The following AOAH variants were observed in gnomAD, a reference collection of about 807,000 sequenced individuals.
AOAH encodes the protein acyloxyacyl hydrolase (neutrophil).
In AOAH, 64 loss-of-function variants were observed where a neutral mutation model predicts 92.2. The observed-to-expected ratio is 0.69, with a 90% CI of 0.57 to 0.86. AOAH has a LOEUF of 0.86. Ranked by LOEUF, AOAH falls within the 40% of genes least tolerant of loss-of-function variation. AOAH has a pLI of 0.00. For synonymous variants in AOAH, 263 were observed against 254.5 expected (o/e 1.03, Z -0.32); for missense variants, 656 against 694.6 (o/e 0.94, Z 0.62).
chr7:36,578,458 A>G (rs1217204861), intron 12 of AOAH, among the ~76,000 whole-genome samples: 1 of 152,238 alleles, frequency 6.6e-6, no homozygotes, highest in African/African-American at 2.4e-5. Context: ...GGTGAGTCTC[A>G]CAGAACCAAA....
rs75093519 is a variant in AOAH at position 36,627,388 on chromosome 7, C to T, written c.522-4138G>A. Among the ~76,000 whole-genome samples the T allele has an allele frequency of 9.1e-3, 1,390 of 151,950 alleles. 13 individuals are homozygous for T. The highest frequency in any genetic ancestry group is 0.032 in the African/African-American group (1,338 of 41,256). On this transcript the variant is annotated intron_variant, in intron 6 of 20. Coordinates refer to ENST00000617537, the MANE Select transcript of AOAH (RefSeq NM_001637.4). Reference sequence around the variant, plus strand: ...CACGGGAATTCTTTCAACGTAGCTCCGGGTTCTGAAATTAGATTCTCTGGG... The same window carrying T: ...CACGGGAATTCTTTCAACGTAGCTCTGGGTTCTGAAATTAGATTCTCTGGG...
intron 3 of AOAH, among the ~76,000 whole-genome samples, chr7:36,666,626 C>T (rs1374178920): frequency 6.6e-6 from 1 of 151,814 alleles, no homozygotes; most frequent in African/African-American, 2.4e-5. Context: ...TTACTTTGCT[C>T]TTCATTTTCT....
At chr7:36,578,643 T>A (rs1237965800) in intron 12 of AOAH, among the ~76,000 whole-genome samples, 2 of 152,228 alleles carry the variant, frequency 1.3e-5, no homozygotes, top group South Asian at 4.1e-4. Context: ...ACTTCTTGAT[T>A]GTTAGTCTTT....
At chr7:36,676,634 G>A (rs984500592) in intron 2 of AOAH, among the ~76,000 whole-genome samples, 10 of 152,140 alleles carry the variant, frequency 6.6e-5, no homozygotes, top group African/African-American at 7.2e-5. Flanking sequence ...AAAGTCAAGC[G>A]ACTCAGAACA....
At chr7:36,531,872 G>A (rs539480399) in intron 18 of AOAH, among the ~76,000 whole-genome samples, 7 of 149,798 alleles carry the variant, frequency 4.7e-5, no homozygotes, top group Admixed American at 2.0e-4. Context: ...GTATGTGTGC[G>A]TGTGCACAGG....
Position 36,516,443 on chromosome 7 carries a change from C to CA in AOAH, c.1600-3064_1600-3063insT, listed in dbSNP as rs1360945517. Among the ~76,000 whole-genome samples the CA allele has an allele frequency of 4.5e-5, 5 of 111,720 alleles. No individual in the cohort carries two copies. The highest frequency in any genetic ancestry group is 1.6e-4 in the African/African-American group (5 of 32,026). 73.3% of individuals were successfully genotyped at this position (111,720 alleles called of 152,430 possible). A position where few individuals can be genotyped will look rare whatever the true frequency, so the allele number is the denominator to read the frequency against. On this transcript the variant is annotated intron_variant, in intron 20 of 20. Coordinates refer to ENST00000617537, the MANE Select transcript of AOAH (RefSeq NM_001637.4). This position sits in a 1 kb window ranked among gnomAD's most constrained non-coding sequence, Gnocchi z 5.0. ...CACAGAAAGCACGCAGATACCCCCC[C>CA]CACACACACAGAAAGTGCACGGATA...
intron 13 of AOAH, among the ~76,000 whole-genome samples, chr7:36,558,421 G>C (rs1786965667): frequency 6.6e-6 from 1 of 152,210 alleles, no homozygotes; most frequent in South Asian, 2.1e-4. Context: ...CAGTTAGGCT[G>C]CTCGGGGGTC....
At chr7:36,636,429 T>C (rs1201667567) in intron 5 of AOAH, among the ~76,000 whole-genome samples, 1 of 152,244 alleles carries the variant, frequency 6.6e-6, no homozygotes, top group Non-Finnish European at 1.5e-5. Flanking sequence ...AAACAATGCC[T>C]GGAGAATACG....
At chr7:36,647,163 T>G (rs988263992) in intron 4 of AOAH, among the ~76,000 whole-genome samples, 3 of 152,208 alleles carry the variant, frequency 2.0e-5, no homozygotes, top group Non-Finnish European at 4.4e-5. Context: ...CATTAAATAT[T>G]AATTTTACAA....
At chr7:36,530,332 G>T (rs1784620269) in intron 19 of AOAH, 86 bp downstream of exon 19, 2 of 906,492 alleles carry the variant, frequency 2.2e-6, no homozygotes, top group South Asian at 2.8e-5. Context: ...CTGCCTGGTG[G>T]CTTATAAAAG....
chr7:36,713,213 T>C (rs111700752), intron 1 of AOAH, among the ~76,000 whole-genome samples: 1 of 152,054 alleles, frequency 6.6e-6, no homozygotes, highest in African/African-American at 2.4e-5. Flanking sequence ...TAAACCAACA[T>C]AGATTAAGAG....
At chr7:36,569,878 G>A (rs899299007) in intron 13 of AOAH, among the ~76,000 whole-genome samples, 1 of 152,100 alleles carries the variant, frequency 6.6e-6, no homozygotes, top group African/African-American at 2.4e-5. Flanking sequence ...CTCCCAAAGT[G>A]CTGGGATTAT....
chr7:36,555,662 C>A (rs1755611166), intron 13 of AOAH, among the ~76,000 whole-genome samples: 2 of 152,048 alleles, frequency 1.3e-5, no homozygotes, highest in South Asian at 2.1e-4. Context: ...ACAATTTCAG[C>A]TCCTGTTATT....
At chr7:36,665,944 T>C (rs1351930886) in intron 3 of AOAH, among the ~76,000 whole-genome samples, 1 of 152,132 alleles carries the variant, frequency 6.6e-6, no homozygotes, top group Non-Finnish European at 1.5e-5. Flanking sequence ...TTTTATTTGA[T>C]TTGCTAATAT....
At chr7:36,690,408 T>A (rs1797323469) in intron 1 of AOAH, among the ~76,000 whole-genome samples, 1 of 152,168 alleles carries the variant, frequency 6.6e-6, no homozygotes, top group Admixed American at 6.5e-5. Context: ...CTGTCTCCAG[T>A]GGGCTCACCT....
intron 12 of AOAH, among the ~76,000 whole-genome samples, chr7:36,585,943 AAAAT>A (rs1423447517): frequency 2.0e-5 from 3 of 152,176 alleles, no homozygotes; most frequent in South Asian, 2.1e-4. Context: ...TGAAAAATTA[AAAAT>A]AAATAGGGAC....
intron 12 of AOAH, among the ~76,000 whole-genome samples, chr7:36,591,103 T>G (rs549236264): frequency 6.6e-6 from 1 of 152,282 alleles, no homozygotes; most frequent in East Asian, 1.9e-4. Context: ...AATTTCCTTT[T>G]CCATTAAAAG....
intron 1 of AOAH, among the ~76,000 whole-genome samples, chr7:36,689,073 G>T (rs533158402): frequency 6.6e-6 from 1 of 152,226 alleles, no homozygotes; most frequent in South Asian, 2.1e-4. Context: ...GTTGCTGGGG[G>T]CTCCCTAGCA....
chr7:36,572,634 T>C (rs1375351281), intron 13 of AOAH, among the ~76,000 whole-genome samples: 1 of 152,214 alleles, frequency 6.6e-6, no homozygotes, highest in Non-Finnish European at 1.5e-5. Flanking sequence ...GTGTCAGTGG[T>C]ACCCTGATGC....
Sources: gnomAD v4.1 joint callset for allele counts (sites outside exome capture counted in the v4.1 genomes callset) on GRCh38, gnomAD v4.1.1 for gene constraint, Gnocchi (gnomAD v3.1) non-coding constraint, MANE v1.5 for transcripts, NCBI Gene and HGNC (gene_info 2026-07-23, HGNC 2026-07-21) for gene names.